The following PIK3R1 variants were observed in gnomAD, a reference collection of about 807,000 sequenced individuals.
PIK3R1 encodes the protein phosphoinositide-3-kinase regulatory subunit 1.
PIK3R1 carries 29 observed loss-of-function variants against 98.0 expected under a neutral mutation model. The observed-to-expected ratio is 0.30, with a 90% confidence interval of 0.22 to 0.40. The LOEUF (loss-of-function observed/expected upper bound fraction) is 0.40, where lower values mean the gene tolerates loss of function less well. Among genes scored for constraint, PIK3R1 ranks in the 10% least tolerant of loss-of-function variants. The pLI is 1.00. For synonymous variants in PIK3R1, 282 were observed against 311.8 expected, an observed-to-expected ratio of 0.90 and a Z score of 1.01; for missense variants, 596 against 872.7, an observed-to-expected ratio of 0.68 and a Z score of 3.99.
At chr5:68,280,903 T>C in intron 6 of PIK3R1, 24 bp from the exon 7 acceptor site, 1 of 1,497,758 alleles carries the variant, frequency 6.7e-7, no homozygotes, top group Non-Finnish European at 9.1e-7. Flanking sequence ...GGAAAAGGTT[T>C]CTAATAAACT....
At chr5:68,238,079 A>G (rs1744732375) in intron 2 of PIK3R1, among the ~76,000 whole-genome samples, 1 of 152,242 alleles carries the variant, frequency 6.6e-6, no homozygotes, top group Non-Finnish European at 1.5e-5. Flanking sequence ...GGGTAGAGTT[A>G]GAAAGACCTG....
At chr5:68,284,151 A>G (rs1007701456) in intron 7 of PIK3R1, among the ~76,000 whole-genome samples, 1 of 152,170 alleles carries the variant, frequency 6.6e-6, no homozygotes, top group Non-Finnish European at 1.5e-5. Context: ...TGGGGTTGGT[A>G]TGAGATTTAA....
rs980235898 is a variant in PIK3R1 at position 68,226,545 on chromosome 5, G to A, written c.-131G>A. 9.9e-6 allele frequency: 7 copies of A among 710,546 alleles called. No individual in the cohort carries two copies. The highest frequency in any genetic ancestry group is 1.6e-5 in the Non-Finnish European group (7 of 429,062). 44.0% of individuals were successfully genotyped at this position (710,546 alleles called of 1,614,324 possible). A position where few individuals can be genotyped will look rare whatever the true frequency, so the allele number is the denominator to read the frequency against. On this transcript the variant is annotated 5_prime_UTR_variant, in exon 2 of 16. Transcript: ENST00000521381. ...TCTCCTCTTAAACCTTTGGAGAGTG[G>A]TCCTTTGTCCTCTGCTGGACACATA...
chr5:68,271,431 G>A (rs1461191323), intron 2 of PIK3R1, among the ~76,000 whole-genome samples: 4 of 152,180 alleles, frequency 2.6e-5, no homozygotes, highest in Non-Finnish European at 5.9e-5. Context: ...TGTCTTCAGG[G>A]ATAGCTTTAG....
chr5:68,265,174 G>C (rs960671820), intron 2 of PIK3R1, among the ~76,000 whole-genome samples: 1 of 152,082 alleles, frequency 6.6e-6, no homozygotes, highest in East Asian at 1.9e-4. Flanking sequence ...ACTGCACCCC[G>C]ACCTCCTGAA....
chr5:68,220,284 A>G (rs1369570978), intron 1 of PIK3R1, among the ~76,000 whole-genome samples: 1 of 152,140 alleles, frequency 6.6e-6, no homozygotes, highest in Admixed American at 6.5e-5. Flanking sequence ...AGTTTACAGA[A>G]TAGCATCTTT....
At chr5:68,263,956 T>A (rs1367764542) in intron 2 of PIK3R1, among the ~76,000 whole-genome samples, 1 of 152,216 alleles carries the variant, frequency 6.6e-6, no homozygotes, top group East Asian at 1.9e-4. Flanking sequence ...CTTGCAAATA[T>A]ACATTACAAA....
intron 4 of PIK3R1, among the ~76,000 whole-genome samples, chr5:68,276,223 TG>T (rs1234703140): frequency 1.3e-5 from 2 of 152,360 alleles, no homozygotes; most frequent in Middle Eastern, 3.4e-3. Context: ...CATTTTAGGC[TG>T]GATAATTCTT....
Position 68,296,088 on chromosome 5 carries a change from G to A in PIK3R1, c.1815-83G>A, listed in dbSNP as rs114937516. 98 of 1,351,200 alleles carry A rather than the reference G, an allele frequency of 7.3e-5. No homozygotes were observed. In the African/African-American group the frequency reaches 1.2e-3, roughly 16 times the overall value. The allele number at this position is 1,351,200 out of a possible 1,614,324, so 83.7% of individuals were successfully genotyped here. A position where few individuals can be genotyped will look rare whatever the true frequency, so the allele number is the denominator to read the frequency against. On this transcript the variant is annotated intron_variant, in intron 14 of 15. Transcript: ENST00000521381. ...TGGTAGGGGCCAGGAGGGAAGTGAC[G>A]GGGGTATGCCTAGGGAAGACAGCAA...
intron 7 of PIK3R1, among the ~76,000 whole-genome samples, chr5:68,283,140 C>G (rs1746919069): frequency 6.6e-6 from 1 of 152,206 alleles, no homozygotes; most frequent in Admixed American, 6.5e-5. Flanking sequence ...TAGTACCAGA[C>G]AGAACTTTGA....
At chr5:68,240,048 ATGT>A (rs1400831090) in intron 2 of PIK3R1, 1 of 366,952 alleles carries the variant, frequency 2.7e-6, no homozygotes, top group Non-Finnish European at 5.4e-6. Context: ...GTGCTTCTTA[ATGT>A]TGTAGATAAC....
At chr5:68,288,586 C>A in intron 7 of PIK3R1, 2 of 1,534,020 alleles carry the variant, frequency 1.3e-6, no homozygotes, top group Non-Finnish European at 1.7e-6. Context: ...CCCGCTCCTG[C>A]GCGCACTCTC....
Position 68,261,018 on chromosome 5 carries a change from A to T in PIK3R1, c.335-12372A>T, listed in dbSNP as rs144258243. Among the ~76,000 whole-genome samples the T allele has an allele frequency of 1.5e-4, 23 of 152,318 alleles. No individual in the cohort carries two copies. In the East Asian group the frequency reaches 4.4e-3, roughly 29 times the overall value. On this transcript the variant is annotated intron_variant, in intron 2 of 15. Transcript: ENST00000521381. ...ATAAGTTAGTGTAGCCCAGTGAAGT[A>T]TAATTAAATGTTGCCATTCTCCCAT...
At chr5:68,279,233 T>C (rs993860425) in intron 4 of PIK3R1, among the ~76,000 whole-genome samples, 4 of 152,026 alleles carry the variant, frequency 2.6e-5, no homozygotes, top group African/African-American at 9.7e-5. Context: ...CTTAGAGGGG[T>C]GGGACAGAGG....
At chr5:68,239,878 T>TG (rs1580188389) in intron 2 of PIK3R1, 3 of 506,832 alleles carry the variant, frequency 5.9e-6, no homozygotes, top group East Asian at 8.8e-5. Flanking sequence ...ATAAAGCAGA[T>TG]GTGTGAGTTA....
chr5:68,222,531 G>A (rs11749932), intron 1 of PIK3R1, among the ~76,000 whole-genome samples: 31,385 of 152,118 alleles, frequency 0.21, 3,973 homozygotes, highest in East Asian at 0.67. Context: ...CCTTCCAGAA[G>A]TGGTGTGCCC....
At chr5:68,279,995 G>A (rs1039333104) in intron 5 of PIK3R1, among the ~76,000 whole-genome samples, 20 of 152,102 alleles carry the variant, frequency 1.3e-4, no homozygotes, top group South Asian at 2.1e-4. Context: ...AAGTTTGTAC[G>A]TCAATGAAGG....
chr5:68,283,513 G>A (rs1239007276), intron 7 of PIK3R1, among the ~76,000 whole-genome samples: 1 of 152,112 alleles, frequency 6.6e-6, no homozygotes, highest in Non-Finnish European at 1.5e-5. Flanking sequence ...TTGAAGAATA[G>A]GTACAATTTG....
intron 2 of PIK3R1, among the ~76,000 whole-genome samples, chr5:68,233,395 G>A (rs541915263): frequency 6.6e-6 from 1 of 152,330 alleles, no homozygotes; most frequent in Non-Finnish European, 1.5e-5. Context: ...ATATCTGAAT[G>A]TTTTGAGGTC....
Sources: allele counts gnomAD v4.1 joint callset (sites outside exome capture counted in the v4.1 genomes callset), GRCh38; gene constraint gnomAD v4.1.1; transcripts MANE v1.5; gene names NCBI Gene and HGNC (gene_info 2026-07-23, HGNC 2026-07-21).